SGSM2: variants seen among roughly 807,000 people sequenced by gnomAD.
SGSM2 encodes small G protein signaling modulator 2, also known as RUN and TBC1 domain containing 1.
A neutral mutation model predicts 126.6 loss-of-function variants in SGSM2; 89 were observed. The ratio of observed to expected loss-of-function variants is 0.70; its 90% CI spans 0.59 to 0.84. The LOEUF is 0.84. Among genes scored for constraint, SGSM2 ranks in the 40% least tolerant of loss-of-function variants. The pLI, the probability that SGSM2 is intolerant of heterozygous loss-of-function variation, is 0.00. For missense variants in SGSM2, 1,404 were observed against 1,416.6 expected (o/e 0.99, Z 0.14); for synonymous variants, 614 against 574.3 (o/e 1.07, Z -0.99).
intron 11 of SGSM2, 59 bp downstream of exon 11, chr17:2,365,400 G>A: frequency 6.8e-7 from 1 of 1,476,556 alleles, no homozygotes; most frequent in Non-Finnish European, 9.0e-7. Flanking sequence ...GAGGCGGGGA[G>A]CGCAGCGTCA....
Position 2,363,405 on chromosome 17 carries a change from T to A in SGSM2, c.673-60T>A. 6.2e-7 allele frequency: 1 copy of A among 1,604,142 alleles called. No homozygotes were observed. Among genetic ancestry groups the A allele is most frequent in the Non-Finnish European group, 8.5e-7 (1 of 1,178,118 alleles). ...GAGGGTCAGCATGGAAGCGTGAGGG[T>A]TCCCAAGCCTTGAGGCCAGTTTCCC... On this transcript the variant is annotated intron_variant, in intron 6 of 23. Coordinates refer to ENST00000268989, the MANE Select transcript of SGSM2 (RefSeq NM_014853.3). The surrounding 1 kb of genome is among the most constrained non-coding windows in gnomAD (Gnocchi z 4.2).
At chr17:2,370,161 C>T (rs2065798476) in intron 12 of SGSM2, among the ~76,000 whole-genome samples, 1 of 152,234 alleles carries the variant, frequency 6.6e-6, no homozygotes, top group Admixed American at 6.5e-5. Flanking sequence ...GAGCAAACTG[C>T]TGCTGACAGG....
intron 12 of SGSM2, among the ~76,000 whole-genome samples, chr17:2,368,452 G>A (rs1239281429): frequency 6.6e-6 from 1 of 151,994 alleles, no homozygotes; most frequent in Non-Finnish European, 1.5e-5. Context: ...CCCTTTCCCC[G>A]CCCCTGCAGA....
chr17:2,376,428 T>G, intron 19 of SGSM2, 167 bp downstream of exon 19: 1 of 803,518 alleles, frequency 1.2e-6, no homozygotes, highest in Non-Finnish European at 1.9e-6. Context: ...CCGCGCCTCT[T>G]CATTCTTAGG....
intron 2 of SGSM2, among the ~76,000 whole-genome samples, chr17:2,357,549 G>A (rs917693289): frequency 1.3e-5 from 2 of 152,158 alleles, no homozygotes; most frequent in African/African-American, 2.4e-5. Flanking sequence ...CCAGGCTGGA[G>A]TGCAATGGCG....
At chr17:2,376,021 A>C (rs2066128155) in intron 18 of SGSM2, 116 bp from the exon 19 acceptor site, 62 of 1,543,734 alleles carry the variant, frequency 4.0e-5, no homozygotes, top group Non-Finnish European at 5.2e-5. Flanking sequence ...GCATCCCCAC[A>C]GGACTCGCTC....
intron 1 of SGSM2, among the ~76,000 whole-genome samples, chr17:2,339,635 G>T (rs1451567312): frequency 6.6e-6 from 1 of 150,686 alleles, no homozygotes; most frequent in East Asian, 1.9e-4. Context: ...ATGAACCCGG[G>T]AGGCAGAGCT....
At chr17:2,349,569 T>C (rs535536581) in intron 2 of SGSM2, among the ~76,000 whole-genome samples, 2 of 152,192 alleles carry the variant, frequency 1.3e-5, no homozygotes, top group African/African-American at 4.8e-5. Context: ...GAGGTATAAG[T>C]GCATGTTTTT....
At position 2,358,281 on chromosome 17, in the gene SGSM2, C is replaced by T. The variant is rs563316663; in HGVS notation, c.134-3356C>T. On this transcript the variant is annotated intron_variant, in intron 2 of 23. Transcript: ENST00000268989. Reference sequence around the variant, plus strand: ...CGTCCCGTGTCTGTGAGACACGTCCCCGGGGAAGGAGGACACTGTTGCTGC... The same window carrying T: ...CGTCCCGTGTCTGTGAGACACGTCCTCGGGGAAGGAGGACACTGTTGCTGC... Among the ~76,000 whole-genome samples the T allele has an allele frequency of 1.5e-3, 225 of 152,292 alleles. 1 individual carries two copies. Among genetic ancestry groups the T allele is most frequent in the African/African-American group, 5.3e-3 (220 of 41,574 alleles).
intron 2 of SGSM2, among the ~76,000 whole-genome samples, chr17:2,359,429 T>G (rs1291014531): frequency 6.6e-6 from 1 of 152,122 alleles, no homozygotes; most frequent in Non-Finnish European, 1.5e-5. Context: ...TAACTGGTCT[T>G]AGCTTGGAAA....
intron 2 of SGSM2, among the ~76,000 whole-genome samples, chr17:2,352,142 GCTT>G (rs1485747805): frequency 5.3e-5 from 8 of 152,302 alleles, no homozygotes; most frequent in African/African-American, 1.9e-4. Flanking sequence ...GATACTTGAT[GCTT>G]CTTCTCCTTC....
chr17:2,349,637 C>A (rs898857580), intron 2 of SGSM2, among the ~76,000 whole-genome samples: 1 of 152,056 alleles, frequency 6.6e-6, no homozygotes, highest in African/African-American at 2.4e-5. Flanking sequence ...TCAGAATAAT[C>A]CAGTGGTAGG....
intron 2 of SGSM2, among the ~76,000 whole-genome samples, chr17:2,357,538 C>T (rs563476735): frequency 3.3e-5 from 5 of 152,270 alleles, no homozygotes; most frequent in Admixed American, 6.5e-5. Flanking sequence ...GCTCTTGTCA[C>T]CCAGGCTGGA....
chr17:2,341,871 C>T (rs1216310794), intron 1 of SGSM2, among the ~76,000 whole-genome samples: 1 of 152,204 alleles, frequency 6.6e-6, no homozygotes, highest in African/African-American at 2.4e-5. Context: ...AACATTTGTT[C>T]ACCAGAAGAC....
chr17:2,363,789 G>A lies in SGSM2; in HGVS notation c.807+190G>A, dbSNP rs2065431447. The A allele has an allele frequency of 2.1e-6, 2 of 945,740 alleles. No homozygotes were observed. The highest frequency in any genetic ancestry group is 5.3e-5 in the East Asian group (2 of 37,726). The allele number at this position is 945,740 out of a possible 1,614,324, so 58.6% of individuals were successfully genotyped here. On this transcript the variant is annotated intron_variant, in intron 7 of 23. Coordinates refer to ENST00000268989, the MANE Select transcript of SGSM2 (RefSeq NM_014853.3). This position sits in a 1 kb window ranked among gnomAD's most constrained non-coding sequence, Gnocchi z 4.2. ...TAGTTGGCAGGGGACAGGAATGGCA[G>A]CCAGCAGGCGAGGGGAGTCCGCAGT...
intron 22 of SGSM2, among the ~76,000 whole-genome samples, 157 bp downstream of exon 22, chr17:2,378,110 A>C (rs923237472): frequency 2.6e-5 from 4 of 152,164 alleles, no homozygotes; most frequent in Non-Finnish European, 5.9e-5. Flanking sequence ...AGACTCATGA[A>C]CTGTGGCTGC....
chr17:2,357,176 G>C (rs955054489), intron 2 of SGSM2, among the ~76,000 whole-genome samples: 1 of 152,084 alleles, frequency 6.6e-6, no homozygotes, highest in Admixed American at 6.6e-5. Flanking sequence ...CCTTTCCCTG[G>C]GAAGATGGCT....
intron 12 of SGSM2, among the ~76,000 whole-genome samples, chr17:2,370,626 C>G (rs1242548479): frequency 6.6e-6 from 1 of 152,258 alleles, no homozygotes; most frequent in East Asian, 1.9e-4. Flanking sequence ...AGGGATGGAG[C>G]AGAGCTCAGA....
At position 2,376,827 on chromosome 17, in the gene SGSM2, C is replaced by T. The variant is rs377049418; in HGVS notation, c.2692+12C>T. ...CACCCTCGACAATGGTGAGGGATGGCGGGACATGGGACTGGGCTGCGTAAG... is the reference window on the plus strand; with the variant it reads ...CACCCTCGACAATGGTGAGGGATGGTGGGACATGGGACTGGGCTGCGTAAG... On this transcript the variant is annotated intron_variant, in intron 20 of 23. Transcript: ENST00000268989. The T allele has an allele frequency of 1.7e-5, 28 of 1,613,724 alleles. No individual in the cohort carries two copies. Among genetic ancestry groups the T allele is most frequent in the Middle Eastern group, 1.6e-4 (1 of 6,082 alleles).
Sources: gnomAD v4.1 joint callset for allele counts (sites outside exome capture counted in the v4.1 genomes callset) on GRCh38, gnomAD v4.1.1 for gene constraint, Gnocchi (gnomAD v3.1) non-coding constraint, MANE v1.5 for transcripts, NCBI Gene and HGNC (gene_info 2026-07-23, HGNC 2026-07-21) for gene names.